ATXN1: variants seen among roughly 807,000 people sequenced by gnomAD.
ATXN1 encodes ataxin 1, also known as ataxin-1.
Under a neutral mutation model 56.4 loss-of-function variants are expected in ATXN1, and 8 were observed. The ratio of observed to expected loss-of-function variants is 0.14; its 90% CI spans 0.08 to 0.26. ATXN1 has a LOEUF of 0.26. ATXN1 is among the 10% of genes least tolerant of loss of function. The pLI, the probability that ATXN1 is intolerant of heterozygous loss-of-function variation, is 1.00. For missense variants in ATXN1, 987 were observed against 1,106.5 expected (o/e 0.89, Z 1.53); for synonymous variants, 514 against 494.6 (o/e 1.04, Z -0.52).
chr6:16,341,877 ATTTT>A (rs34092584), intron 6 of ATXN1, among the ~76,000 whole-genome samples: 2 of 86,860 alleles, frequency 2.3e-5, no homozygotes, highest in African/African-American at 4.9e-5. Context: ...TGTCTCAGTG[ATTTT>A]TTTTTTTTTT....
chr6:16,472,365 G>A (rs760815787), intron 6 of ATXN1, among the ~76,000 whole-genome samples: 1 of 152,112 alleles, frequency 6.6e-6, no homozygotes, highest in Non-Finnish European at 1.5e-5. Flanking sequence ...CTATAAAGCT[G>A]AGCTCATCCC....
intron 3 of ATXN1, among the ~76,000 whole-genome samples, chr6:16,605,325 G>T (rs10456785): frequency 5.3e-5 from 8 of 152,022 alleles, no homozygotes. Flanking sequence ...TTACGCCAAC[G>T]CTTTCACTTC....
chr6:16,581,987 G>T (rs941053165), intron 4 of ATXN1, among the ~76,000 whole-genome samples: 1 of 152,214 alleles, frequency 6.6e-6, no homozygotes, highest in Admixed American at 6.5e-5. Flanking sequence ...TAAATTGAGA[G>T]ATGAGTAGCC....
intron 6 of ATXN1, among the ~76,000 whole-genome samples, chr6:16,333,050 C>T (rs1761027513): frequency 1.3e-5 from 2 of 152,202 alleles, no homozygotes; most frequent in African/African-American, 4.8e-5. Flanking sequence ...CCTAATGGAG[C>T]AGGCACTGGG....
At chr6:16,470,442 T>C (rs1473848563) in intron 6 of ATXN1, among the ~76,000 whole-genome samples, 1 of 152,164 alleles carries the variant, frequency 6.6e-6, no homozygotes, top group Non-Finnish European at 1.5e-5. Context: ...ACTATACACT[T>C]AAAAATGGCT....
chr6:16,606,893 T>C (rs1270446101), intron 3 of ATXN1, among the ~76,000 whole-genome samples: 2 of 18,480 alleles, frequency 1.1e-4, no homozygotes, highest in Non-Finnish European at 1.4e-4. Flanking sequence ...GTGTGTTGTT[T>C]GTTTGTTTTT....
At chr6:16,369,697 C>A (rs895118844) in intron 6 of ATXN1, among the ~76,000 whole-genome samples, 20 of 152,204 alleles carry the variant, frequency 1.3e-4, no homozygotes, top group Non-Finnish European at 2.6e-4. Flanking sequence ...CCAACATCTA[C>A]TTAAATGCTA....
chr6:16,309,454 G>A (rs1051918172), intron 7 of ATXN1, among the ~76,000 whole-genome samples: 1 of 151,982 alleles, frequency 6.6e-6, no homozygotes, highest in Non-Finnish European at 1.5e-5. Flanking sequence ...TCAATATGGA[G>A]GAGAGGGTAA....
intron 6 of ATXN1, chr6:16,433,193 G>A (rs565676550): frequency 6.6e-6 from 1 of 152,238 alleles, no homozygotes; most frequent in Non-Finnish European, 1.5e-5. Flanking sequence ...CTATAGCCAT[G>A]CTTTATGGAA....
intron 3 of ATXN1, among the ~76,000 whole-genome samples, chr6:16,619,391 C>T (rs1042222202): frequency 5.9e-5 from 9 of 152,086 alleles, no homozygotes; most frequent in African/African-American, 1.7e-4. Flanking sequence ...AAATTAAATG[C>T]TAGATAAATA....
intron 3 of ATXN1, among the ~76,000 whole-genome samples, chr6:16,604,999 T>C (rs1249684572): frequency 6.6e-6 from 1 of 152,192 alleles, no homozygotes; most frequent in African/African-American, 2.4e-5. Context: ...ATGGTGCATA[T>C]CATAACAAGA....
intron 6 of ATXN1, among the ~76,000 whole-genome samples, chr6:16,387,478 T>C (rs1254527292): frequency 6.6e-6 from 1 of 152,204 alleles, no homozygotes; most frequent in African/African-American, 2.4e-5. Flanking sequence ...ACTCAGACTA[T>C]GCTTGCTCGT....
chr6:16,327,520 G>A lies in ATXN1; in HGVS notation c.791C>T (p.Pro264Leu), dbSNP rs371662453. Residue 264 changes from proline to leucine, a missense_variant, in exon 7 of 8, where the codon CCG becomes CTG. Pro to Leu is a moderately conservative substitution (Grantham distance 98). Transcript: ENST00000436367. ...PQNTGRTASPPAIPVHLHPHQ... is the reference protein window; with the variant it reads ...PQNTGRTASPLAIPVHLHPHQ... The stretch of plus-strand genomic sequence containing the variant: ...GGGGTGGAGGTGGACGGGGATGGCC[G>A]GAGGAGAGGCGGTGCGGCCGGTGTT... The A allele has an allele frequency of 3.2e-5, 51 of 1,611,918 alleles. 1 individual carries two copies. Among genetic ancestry groups the A allele is most frequent in the African/African-American group, 1.1e-4 (8 of 75,022 alleles).
rs187234237 is a variant in ATXN1, at chr6:16,521,903, C to A, written c.-299+724G>T. On this transcript the variant is annotated intron_variant, in intron 5 of 7. Transcript: ENST00000436367. ...TCTGCCAACCCCTTTACTTAGTAGC[C>A]AACTAGGATTATGAGAAAGTCAAAT... Among the ~76,000 whole-genome samples, 240 of 152,262 alleles carry A rather than the reference C, an allele frequency of 1.6e-3. 1 individual carries two copies. The highest frequency in any genetic ancestry group is 5.3e-3 in the African/African-American group (222 of 41,552).
intron 4 of ATXN1, among the ~76,000 whole-genome samples, chr6:16,578,767 G>T (rs1445992432): frequency 6.6e-6 from 1 of 151,954 alleles, no homozygotes; most frequent in Admixed American, 6.6e-5. Context: ...ATCACAAGAC[G>T]ATAGATCAAT....
chr6:16,455,944 A>G (rs1759858741), intron 6 of ATXN1, among the ~76,000 whole-genome samples: 1 of 152,238 alleles, frequency 6.6e-6, no homozygotes, highest in Non-Finnish European at 1.5e-5. Context: ...CAGCAGGAGT[A>G]TAAAAGTAGC....
At chr6:16,418,551 T>C (rs1226546355) in intron 6 of ATXN1, among the ~76,000 whole-genome samples, 1 of 152,092 alleles carries the variant, frequency 6.6e-6, no homozygotes, top group Non-Finnish European at 1.5e-5. Context: ...TACTCCTTTT[T>C]TTTATTTTAT....
chr6:16,336,721 T>G (rs1036043410), intron 6 of ATXN1, among the ~76,000 whole-genome samples: 12 of 152,120 alleles, frequency 7.9e-5, no homozygotes, highest in African/African-American at 2.9e-4. Context: ...ACACACCACA[T>G]TTTCCTTTTC....
At chr6:16,334,542 C>T (rs778173258) in intron 6 of ATXN1, among the ~76,000 whole-genome samples, 6 of 152,070 alleles carry the variant, frequency 3.9e-5, no homozygotes, top group Non-Finnish European at 7.4e-5. Flanking sequence ...ATATCGAGAT[C>T]CTGTCTCTAC....
Sources: gnomAD v4.1 joint callset for allele counts (sites outside exome capture counted in the v4.1 genomes callset) on GRCh38, gnomAD v4.1.1 for gene constraint, MANE v1.5 for transcripts, NCBI Gene and HGNC (gene_info 2026-07-23, HGNC 2026-07-21) for gene names.